Variants in LTA4H observed in about 807,000 individuals in gnomAD.
The protein encoded by LTA4H is leukotriene A-4 hydrolase.
LTA4H carries 59 observed loss-of-function variants against 89.8 expected under a neutral mutation model. The ratio of observed to expected loss-of-function variants is 0.66; its 90% CI spans 0.53 to 0.82. The LOEUF (loss-of-function observed/expected upper bound fraction) is 0.82. Ranked by LOEUF, LTA4H falls within the 40% of genes least tolerant of loss-of-function variation. LTA4H has a pLI of 0.00. For missense variants in LTA4H, 617 were observed against 727.0 expected (o/e 0.85, Z 1.74); for synonymous variants, 227 against 253.1 (o/e 0.90, Z 0.98).
intron 12 of LTA4H, 152 bp downstream of exon 12, chr12:96,014,703 G>A: frequency 1.4e-6 from 1 of 691,816 alleles, no homozygotes; most frequent in Non-Finnish European, 2.3e-6. Context: ...TAAGTTGAGA[G>A]GTAACTCAGA....
chr12:96,002,885 A>T, intron 18 of LTA4H, 75 bp downstream of exon 18: 1 of 967,162 alleles, frequency 1.0e-6, no homozygotes, highest in South Asian at 1.5e-5. Flanking sequence ...TGTCATATAG[A>T]TTACGTTTAA....
upstream of LTA4H, chr12:96,035,598 G>A (rs1216540820): frequency 1.2e-5 from 18 of 1,491,266 alleles, no homozygotes; most frequent in Non-Finnish European, 1.5e-5. Flanking sequence ...AACCTGAGGA[G>A]GAGGGAGAGA....
chr12:96,017,673 G>C (rs890975190), intron 8 of LTA4H, 93 bp from the exon 9 acceptor site: 6 of 827,694 alleles, frequency 7.2e-6, no homozygotes, highest in Non-Finnish European at 1.2e-5. Flanking sequence ...TACTGGCACT[G>C]GTGATCCACT....
At chr12:96,024,815 T>G (rs935359973) in intron 3 of LTA4H, among the ~76,000 whole-genome samples, 2 of 151,996 alleles carry the variant, frequency 1.3e-5, no homozygotes, top group Non-Finnish European at 2.9e-5. Flanking sequence ...ATTACAGGCA[T>G]GTACCACCAC....
intron 18 of LTA4H, among the ~76,000 whole-genome samples, chr12:96,002,093 G>A (rs1199057583): frequency 6.6e-6 from 1 of 152,122 alleles, no homozygotes; most frequent in African/African-American, 2.4e-5. Context: ...TCCTGACCTC[G>A]TGATCTGCCT....
At chr12:96,007,794 CAG>C (rs1950226468) in intron 15 of LTA4H, among the ~76,000 whole-genome samples, 1 of 152,174 alleles carries the variant, frequency 6.6e-6, no homozygotes, top group South Asian at 2.1e-4. Context: ...CAAACTAAAA[CAG>C]AGAATTTTAA....
At chr12:96,036,358 G>A (rs558415740), upstream of LTA4H, among the ~76,000 whole-genome samples, 1 of 152,192 alleles carries the variant, frequency 6.6e-6, no homozygotes, top group Non-Finnish European at 1.5e-5. Flanking sequence ...TTTAGGGTGG[G>A]GCCTCAAAAT....
intron 1 of LTA4H, among the ~76,000 whole-genome samples, chr12:96,035,067 C>T (rs1041875735): frequency 9.2e-5 from 14 of 152,132 alleles, no homozygotes; most frequent in Admixed American, 9.2e-4. Flanking sequence ...GCTGGATGTG[C>T]CCAGGGACCT....
chr12:96,041,232 TGA>T (rs1352459310), intron 1 of LTA4H, among the ~76,000 whole-genome samples: 4 of 152,210 alleles, frequency 2.6e-5, no homozygotes, highest in Non-Finnish European at 5.9e-5. Flanking sequence ...AAATGAAAGA[TGA>T]GTCTCATTTC....
upstream of LTA4H, among the ~76,000 whole-genome samples, chr12:96,037,982 G>A (rs1181017380): frequency 2.0e-5 from 3 of 152,088 alleles, no homozygotes; most frequent in Admixed American, 6.5e-5. Flanking sequence ...GAGCCACCGC[G>A]CCCGGCCGAG....
intron 7 of LTA4H, 107 bp from the exon 8 acceptor site, chr12:96,019,010 G>A (rs1950418872): frequency 8.1e-7 from 1 of 1,233,980 alleles, no homozygotes. Context: ...TGATTTTTAT[G>A]TTAAATGAAA....
At chr12:96,019,523 G>A (rs1443445669) in intron 6 of LTA4H, among the ~76,000 whole-genome samples, 1 of 151,944 alleles carries the variant, frequency 6.6e-6, no homozygotes, top group Admixed American at 6.6e-5. Flanking sequence ...GACCTCTTGA[G>A]GGTCTCATTT....
At chr12:96,016,952 G>A in intron 10 of LTA4H, 92 bp downstream of exon 10, 1 of 831,722 alleles carries the variant, frequency 1.2e-6, no homozygotes, top group Non-Finnish European at 2.0e-6. Flanking sequence ...AGAAAAACAA[G>A]AGATACACAC....
chr12:96,036,679 G>A (rs1950650225), upstream of LTA4H, among the ~76,000 whole-genome samples: 1 of 152,186 alleles, frequency 6.6e-6, no homozygotes. Context: ...GACGAAGGTG[G>A]CCCAGGCTTT....
Position 96,035,355 on chromosome 12 carries a change from C to T in LTA4H, c.159+6G>A, listed in dbSNP as rs189551704. 168 of 1,595,264 alleles carry T rather than the reference C, an allele frequency of 1.1e-4. No individual in the cohort carries two copies. In the African/African-American group the frequency reaches 2.1e-3, roughly 20 times the overall value. On this transcript the variant is annotated splice_donor_region_variant and intron_variant, in intron 1 of 18. Coordinates refer to ENST00000228740, the MANE Select transcript of LTA4H (RefSeq NM_000895.3). ...AGGCGGGCACTGGGCAGGCGCCCCA[C>T]TGTACCAGGCTGCGCAGATTGTCCT...
At chr12:96,011,205 G>A (rs1950296071) in intron 14 of LTA4H, 1 of 152,178 alleles carries the variant, frequency 6.6e-6, no homozygotes, top group African/African-American at 2.4e-5. Flanking sequence ...AATGGGCAAA[G>A]CCTTCTCCAC....
intron 1 of LTA4H, among the ~76,000 whole-genome samples, chr12:96,034,111 C>T (rs2246972): frequency 0.28 from 42,690 of 152,030 alleles, 6,776 homozygotes; most frequent in East Asian, 0.42. Context: ...ATCCTTCCTA[C>T]ACAAGTAGGA....
chr12:96,003,644 A>G lies in LTA4H; in HGVS notation c.1613+194T>C, dbSNP rs1268996436. On this transcript the variant is annotated intron_variant, in intron 17 of 18. Coordinates refer to ENST00000228740, the MANE Select transcript of LTA4H (RefSeq NM_000895.3). ...AGAGGTTTAGAGCAAAGTCTAACAA[A>G]AAGATTAATACTACCAGATTACATA... 92 of 366,552 alleles carry G rather than the reference A, an allele frequency of 2.5e-4. 1 individual carries two copies. The highest frequency in any genetic ancestry group is 4.9e-5 in the Non-Finnish European group (10 of 205,576). 22.7% of individuals were successfully genotyped at this position (366,552 alleles called of 1,614,324 possible). A position where few individuals can be genotyped will look rare whatever the true frequency, so the allele number is the denominator to read the frequency against.
At position 96,022,208 on chromosome 12, in the gene LTA4H, C is replaced by T. The variant is rs773152015; in HGVS notation, c.524G>A (p.Arg175His). The part of the protein sequence containing the change: ...KELVALMSAI[R>H]DGETPDPEDP... ...TTCTGGGTCAGGTGTTTCTCCATCA[C>T]GAATAGCACTCATAAGTGCCACCAG... Residue 175 changes from arginine (R) to histidine (H), a missense_variant, in exon 5 of 19, where the codon CGT becomes CAT. This residue lies in a region of LTA4H where 172 missense variants were observed against 244.5 expected (regional missense o/e 0.70). Transcript: ENST00000228740. The surrounding 1 kb of genome is among the most constrained non-coding windows in gnomAD (Gnocchi z 4.0). 8.7e-6 allele frequency: 14 copies of T among 1,613,870 alleles called. No homozygotes were observed. The highest frequency in any genetic ancestry group is 1.7e-4 in the Middle Eastern group (1 of 6,060).
Sources: allele counts gnomAD v4.1 joint callset (sites outside exome capture counted in the v4.1 genomes callset), GRCh38; gene constraint gnomAD v4.1.1; regional missense constraint gnomAD v4.1.1; non-coding constraint Gnocchi (gnomAD v3.1); transcripts MANE v1.5; gene names NCBI Gene and HGNC (gene_info 2026-07-23, HGNC 2026-07-21).